SLC4A1AP: variants seen among roughly 807,000 people sequenced by gnomAD.
SLC4A1AP encodes kanadaptin.
A neutral mutation model predicts 89.7 loss-of-function variants in SLC4A1AP; 64 were observed. That is an observed-to-expected ratio of 0.71 (90% CI 0.58 to 0.88). SLC4A1AP has a LOEUF of 0.88. Among genes scored for constraint, SLC4A1AP ranks in the 40% least tolerant of loss-of-function variants. The pLI, the probability that SLC4A1AP is intolerant of heterozygous loss-of-function variation, is 0.00. For synonymous variants in SLC4A1AP, 366 were observed against 353.3 expected (o/e 1.04, Z -0.40); for missense variants, 931 against 965.0 (o/e 0.96, Z 0.47).
At chr2:27,667,094 C>G (rs1572988466) in intron 2 of SLC4A1AP, among the ~76,000 whole-genome samples, 174 bp from the exon 3 acceptor site, 1 of 152,144 alleles carries the variant, frequency 6.6e-6, no homozygotes, top group Non-Finnish European at 1.5e-5. Context: ...TGGTCTTGAA[C>G]TCCTGACCTT....
intron 6 of SLC4A1AP, 28 bp from the exon 7 acceptor site, chr2:27,677,267 T>G: frequency 6.7e-7 from 1 of 1,486,880 alleles, no homozygotes; most frequent in Admixed American, 1.7e-5. Flanking sequence ...AGAAAAACTT[T>G]GTAACCCTGT....
At chr2:27,664,961 G>A in intron 1 of SLC4A1AP, 139 bp from the exon 2 acceptor site, 1 of 611,870 alleles carries the variant, frequency 1.6e-6, no homozygotes, top group South Asian at 2.4e-5. Flanking sequence ...GGAGGCTGAG[G>A]TGGGAGGATC....
At chr2:27,694,613 T>C (rs1393770555) in intron 13 of SLC4A1AP, 21 bp from the exon 14 acceptor site, 1 of 1,526,230 alleles carries the variant, frequency 6.6e-7, no homozygotes, top group Non-Finnish European at 8.9e-7. Flanking sequence ...AATGTATTTC[T>C]TTTTTTATAT....
At chr2:27,682,182 TG>T (rs1453561604) in intron 8 of SLC4A1AP, 65 bp from the exon 9 acceptor site, 1 of 986,678 alleles carries the variant, frequency 1.0e-6, no homozygotes, top group Non-Finnish European at 1.5e-6. Flanking sequence ...GTCAGTATCA[TG>T]GTATTTTTAG....
At chr2:27,679,588 C>T (rs1675584882) in intron 8 of SLC4A1AP, among the ~76,000 whole-genome samples, 1 of 151,728 alleles carries the variant, frequency 6.6e-6, no homozygotes, top group Non-Finnish European at 1.5e-5. Context: ...GGCGACAGAG[C>T]GAGACTCCAT....
Position 27,677,410 on chromosome 2 carries a change from C to G in SLC4A1AP, c.1576+46C>G, listed in dbSNP as rs772496182. 3.9e-6 allele frequency: 5 copies of G among 1,278,354 alleles called. No homozygotes were observed. In the African/African-American group the frequency reaches 4.4e-5, roughly 11 times the overall value. The allele number at this position is 1,278,354 out of a possible 1,614,324, so 79.2% of individuals were successfully genotyped here. On this transcript the variant is annotated intron_variant, in intron 7 of 13. Coordinates refer to ENST00000613058, the Ensembl canonical transcript of SLC4A1AP. ...TTATTAATATACCACATATAGTGCTCTATGCTAGGCACTGGGGCTACATTA... is the reference window on the plus strand; with the variant it reads ...TTATTAATATACCACATATAGTGCTGTATGCTAGGCACTGGGGCTACATTA...
At chr2:27,693,784 A>G (rs1357738545) in intron 13 of SLC4A1AP, 30 bp downstream of exon 13, 1 of 1,537,370 alleles carries the variant, frequency 6.5e-7, no homozygotes, top group African/African-American at 1.4e-5. Flanking sequence ...TTTTCCTCTA[A>G]GGTTCATTTA....
intron 13 of SLC4A1AP, among the ~76,000 whole-genome samples, chr2:27,694,330 C>A (rs1675838370): frequency 6.6e-6 from 1 of 152,184 alleles, no homozygotes; most frequent in African/African-American, 2.4e-5. Context: ...CTCATACACA[C>A]ACCCTTAAAG....
chr2:27,687,218 G>A (rs1025326839), intron 10 of SLC4A1AP, among the ~76,000 whole-genome samples: 39 of 152,030 alleles, frequency 2.6e-4, no homozygotes. Context: ...ATGCCATAAT[G>A]TATTTAGTCA....
intron 8 of SLC4A1AP, among the ~76,000 whole-genome samples, chr2:27,680,491 TG>T (rs1558508420): frequency 6.6e-6 from 1 of 152,018 alleles, no homozygotes; most frequent in Non-Finnish European, 1.5e-5. Context: ...TAAAACTATT[TG>T]TTAATAAAAG....
chr2:27,678,315 C>T (rs1675556817), intron 8 of SLC4A1AP, among the ~76,000 whole-genome samples: 1 of 152,060 alleles, frequency 6.6e-6, no homozygotes, highest in African/African-American at 2.4e-5. Context: ...GAGGTTGAAG[C>T]AGGCAGATCA....
In SLC4A1AP at chr2:27,682,364, G is replaced by A. The variant is rs1241903156; in HGVS notation, c.1875+5G>A. On this transcript the variant is annotated splice_donor_5th_base_variant and intron_variant, in intron 9 of 13. Coordinates refer to ENST00000613058, the Ensembl canonical transcript of SLC4A1AP. Reference sequence around the variant, plus strand: ...TTAAAAACTGGAACAGTAGGGGTAAGTTGTGAGTCAGGGTGTTAAACTTTT... The same window carrying A: ...TTAAAAACTGGAACAGTAGGGGTAAATTGTGAGTCAGGGTGTTAAACTTTT... 1 of 1,578,128 alleles carries A rather than the reference G, an allele frequency of 6.3e-7. No individual in the cohort carries two copies. The highest frequency in any genetic ancestry group is 8.7e-7 in the Non-Finnish European group (1 of 1,148,870).
At chr2:27,692,182 G>C (rs980219161) in intron 12 of SLC4A1AP, 3 of 152,140 alleles carry the variant, frequency 2.0e-5, no homozygotes, top group Non-Finnish European at 4.4e-5. Context: ...CTGTATCCCA[G>C]AGGTTTTGAT....
chr2:27,688,842 G>A (rs1675746669), intron 12 of SLC4A1AP, 75 bp downstream of exon 12: 1 of 1,116,900 alleles, frequency 9.0e-7, no homozygotes, highest in Non-Finnish European at 1.3e-6. Context: ...TGAATCTTTG[G>A]AGACTGACTT....
At chr2:27,694,578 C>A in intron 13 of SLC4A1AP, 56 bp from the exon 14 acceptor site, 1 of 1,320,738 alleles carries the variant, frequency 7.6e-7, no homozygotes, top group Non-Finnish European at 1.0e-6. Context: ...GATATCTTTT[C>A]TCTCCTGACT....
At chr2:27,686,258 T>C (rs1217431053) in intron 10 of SLC4A1AP, among the ~76,000 whole-genome samples, 2 of 152,216 alleles carry the variant, frequency 1.3e-5, no homozygotes, top group African/African-American at 4.8e-5. Flanking sequence ...TTTCCTCATC[T>C]GTGAGAGGTA....
chr2:27,669,077 T>A (rs1046321790), intron 4 of SLC4A1AP, among the ~76,000 whole-genome samples, 171 bp from the exon 5 acceptor site: 2 of 151,920 alleles, frequency 1.3e-5, no homozygotes, highest in African/African-American at 4.8e-5. Context: ...GTGGGATGGG[T>A]AAGAAATAGA....
At chr2:27,693,664 C>A (rs765144795) in intron 12 of SLC4A1AP, 21 bp from the exon 13 acceptor site, 9 of 1,570,256 alleles carry the variant, frequency 5.7e-6, no homozygotes, top group Non-Finnish European at 6.9e-6. Flanking sequence ...GTGAATAAAA[C>A]AATCCATCTT....
chr2:27,672,294 GT>G (rs1289443933), intron 5 of SLC4A1AP, among the ~76,000 whole-genome samples: 2 of 151,376 alleles, frequency 1.3e-5, no homozygotes, highest in South Asian at 2.1e-4. Context: ...GACCATTTAA[GT>G]TTTTTTTCTT....
Sources: allele counts gnomAD v4.1 joint callset (sites outside exome capture counted in the v4.1 genomes callset), GRCh38; gene constraint gnomAD v4.1.1; transcripts MANE v1.5; gene names NCBI Gene and HGNC (gene_info 2026-07-23, HGNC 2026-07-21).